The following TLN2 variants were observed in gnomAD, a reference collection of about 807,000 sequenced individuals.
TLN2 encodes talin-2.
In TLN2, 118 loss-of-function variants were observed where a neutral mutation model predicts 294.7. The observed-to-expected ratio is 0.40, with a 90% CI of 0.34 to 0.47. TLN2 has a LOEUF of 0.47. Among genes scored for constraint, TLN2 ranks in the 20% least tolerant of loss-of-function variants. TLN2 has a pLI of 0.84. For missense variants in TLN2, 3,083 were observed against 3,282.2 expected, an observed-to-expected ratio of 0.94 and a Z score of 1.48; for synonymous variants, 1,431 against 1,304.5, an observed-to-expected ratio of 1.10 and a Z score of -2.09.
At chr15:62,756,487 C>T (rs1296881908) in intron 37 of TLN2, among the ~76,000 whole-genome samples, 5 of 152,250 alleles carry the variant, frequency 3.3e-5, no homozygotes, top group South Asian at 2.1e-4. Flanking sequence ...AGCACCATCG[C>T]GCCAGCTCCC....
intron 9 of TLN2, among the ~76,000 whole-genome samples, chr15:62,670,439 T>G (rs992628739): frequency 2.0e-5 from 3 of 152,224 alleles, no homozygotes; most frequent in Non-Finnish European, 4.4e-5. Flanking sequence ...TGCCGTCCAA[T>G]TCTCTCTGAA....
intron 14 of TLN2, among the ~76,000 whole-genome samples, chr15:62,694,937 G>T (rs1045342520): frequency 1.3e-5 from 2 of 152,154 alleles, no homozygotes; most frequent in African/African-American, 4.8e-5. Flanking sequence ...ATTCTCTTCT[G>T]GCATGAGCTT....
intron 4 of TLN2, 130 bp downstream of exon 4, chr15:62,647,576 T>C: frequency 8.0e-7 from 1 of 1,253,896 alleles, no homozygotes; most frequent in Non-Finnish European, 1.1e-6. Flanking sequence ...AATACCTTCT[T>C]AGATCAGACA....
chr15:62,681,180 A>G (rs574701412), intron 11 of TLN2, among the ~76,000 whole-genome samples: 11 of 152,330 alleles, frequency 7.2e-5, no homozygotes, highest in Admixed American at 6.5e-4. Context: ...GGTTGTACTA[A>G]TTGGGACAAT....
chr15:62,606,248 A>ATTTTTTTTTTTTTTT (rs771750764), intron 2 of TLN2, among the ~76,000 whole-genome samples: 4 of 136,764 alleles, frequency 2.9e-5, no homozygotes, highest in African/African-American at 8.3e-5. Context: ...TGCTTGGCTA[A>ATTTTTTTTTTTTTTT]TTTTTTTTTT....
chr15:62,833,875 T>C, intron 55 of TLN2: 4 of 434,962 alleles, frequency 9.2e-6, no homozygotes, highest in Non-Finnish European at 1.2e-5. Flanking sequence ...AGGCAGTGAC[T>C]GGGGCCTGAA....
At chr15:62,556,090 A>G (rs1161935561) in intron 1 of TLN2, among the ~76,000 whole-genome samples, 2 of 151,846 alleles carry the variant, frequency 1.3e-5, no homozygotes, top group Non-Finnish European at 2.9e-5. Flanking sequence ...GAGTCTTCTC[A>G]TCTGGGAAAT....
intron 40 of TLN2, 32 bp downstream of exon 40, chr15:62,763,727 G>A (rs756759941): frequency 5.8e-6 from 9 of 1,564,562 alleles, no homozygotes; most frequent in Middle Eastern, 3.4e-4. Context: ...CTGCTTAGTC[G>A]CCTCTAGATA....
chr15:62,577,118 G>A (rs893859063), intron 1 of TLN2, among the ~76,000 whole-genome samples: 1 of 152,196 alleles, frequency 6.6e-6, no homozygotes, highest in African/African-American at 2.4e-5. Flanking sequence ...GTTTTCTTAG[G>A]GAAAACAGCT....
chr15:62,642,697 TTC>T (rs949720347), intron 3 of TLN2, among the ~76,000 whole-genome samples: 7 of 147,846 alleles, frequency 4.7e-5, no homozygotes, highest in Non-Finnish European at 8.8e-5. Context: ...TTTGTTTGTT[TTC>T]TGTTTTTTTT....
At chr15:62,408,083 C>T (rs1322969015) in intron 1 of TLN2, among the ~76,000 whole-genome samples, 2 of 152,122 alleles carry the variant, frequency 1.3e-5, no homozygotes, top group African/African-American at 4.8e-5. Context: ...CTGCCCACAC[C>T]ATGCTAATTG....
intron 4 of TLN2, 169 bp from the exon 5 acceptor site, chr15:62,649,915 C>G (rs2052394153): frequency 1.6e-6 from 1 of 610,028 alleles, no homozygotes; most frequent in Non-Finnish European, 2.9e-6. Context: ...TCTTACTCCT[C>G]CAGATCTGCT....
Position 62,632,097 on chromosome 15 carries a change from C to T in TLN2, c.-37+13622C>T, listed in dbSNP as rs368867676. Among the ~76,000 whole-genome samples the T allele has an allele frequency of 1.3e-4, 20 of 152,318 alleles. No individual in the cohort carries two copies. The South Asian group carries it at 3.7e-3, about 28-fold the overall frequency. On this transcript the variant is annotated intron_variant, in intron 3 of 58. Coordinates refer to ENST00000636159, the MANE Select transcript of TLN2 (RefSeq NM_015059.3). The stretch of plus-strand genomic sequence containing the variant: ...GCTCCCCCCGAATCTTTCATACAAA[C>T]TTATTGTCACAGCTTTCTAGACAGC...
intron 9 of TLN2, among the ~76,000 whole-genome samples, chr15:62,659,077 C>T (rs906857078): frequency 3.3e-5 from 5 of 152,106 alleles, no homozygotes; most frequent in South Asian, 2.1e-4. Flanking sequence ...GAAGGCGATC[C>T]GAATGTAGTC....
intron 1 of TLN2, among the ~76,000 whole-genome samples, chr15:62,543,541 A>C (rs1455636053): frequency 6.6e-6 from 1 of 152,144 alleles, no homozygotes; most frequent in South Asian, 2.1e-4. Context: ...GTGGATCACA[A>C]GGTCAAGAGA....
chr15:62,599,157 A>G (rs1320782680), intron 2 of TLN2, among the ~76,000 whole-genome samples: 1 of 152,166 alleles, frequency 6.6e-6, no homozygotes, highest in African/African-American at 2.4e-5. Flanking sequence ...TATGCCCCCA[A>G]ACAGGTATTG....
intron 1 of TLN2, among the ~76,000 whole-genome samples, chr15:62,558,608 A>G (rs998665274): frequency 3.9e-5 from 6 of 152,230 alleles, no homozygotes; most frequent in Admixed American, 3.9e-4. Flanking sequence ...TATACGTGGA[A>G]GATACCCAGG....
At chr15:62,644,496 A>ATACC (rs778213765) in intron 3 of TLN2, 5 of 455,812 alleles carry the variant, frequency 1.1e-5, no homozygotes, top group Non-Finnish European at 2.2e-5. Flanking sequence ...TCTCCACTGA[A>ATACC]TACCTCTCAA....
intron 1 of TLN2, among the ~76,000 whole-genome samples, chr15:62,444,078 G>C (rs551842309): frequency 6.6e-6 from 1 of 152,336 alleles, no homozygotes; most frequent in South Asian, 2.1e-4. Flanking sequence ...AGCACCTACC[G>C]ATGTGAGCCT....
Sources: gnomAD v4.1 joint callset for allele counts (sites outside exome capture counted in the v4.1 genomes callset) on GRCh38, gnomAD v4.1.1 for gene constraint, MANE v1.5 for transcripts, NCBI Gene and HGNC (gene_info 2026-07-23, HGNC 2026-07-21) for gene names.